The following LRMDA variants were observed in gnomAD, a reference collection of about 807,000 sequenced individuals.
The protein encoded by LRMDA is leucine-rich melanocyte differentiation-associated protein.
In LRMDA, 18 loss-of-function variants were observed where a neutral mutation model predicts 29.8. The observed-to-expected ratio is 0.60, with a 90% confidence interval of 0.42 to 0.90. The LOEUF (loss-of-function observed/expected upper bound fraction) is 0.90. Ranked by LOEUF, LRMDA falls within the 40% of genes least tolerant of loss-of-function variation. LRMDA has a pLI of 0.00. For synonymous variants in LRMDA, 125 were observed against 109.4 expected, an observed-to-expected ratio of 1.14 and a Z score of -0.89; for missense variants, 273 against 273.9, an observed-to-expected ratio of 1.00 and a Z score of 0.02.
At chr10:75,568,905 C>G (rs1840403752) in intron 2 of LRMDA, among the ~76,000 whole-genome samples, 1 of 151,820 alleles carries the variant, frequency 6.6e-6, no homozygotes, top group Admixed American at 6.5e-5. Context: ...TATTCACTGG[C>G]AGGTGTGACT....
chr10:75,491,427 G>A lies in LRMDA; in HGVS notation c.131+52933G>A, dbSNP rs143066956. The stretch of plus-strand genomic sequence containing the variant: ...CGGCACTGGCTAGTTGCTTGAGTGG[G>A]GGAACTTGTCACCCACTGTATGGTC... On this transcript the variant is annotated intron_variant, in intron 2 of 6. Transcript: ENST00000611255. Among the ~76,000 whole-genome samples the A allele has an allele frequency of 5.3e-5, 8 of 152,250 alleles. No homozygotes were observed. In the East Asian group the frequency reaches 1.5e-3, roughly 29 times the overall value.
rs566991338 is a variant in LRMDA at position 75,906,953 on chromosome 10, A to G, written c.132-129055A>G. On this transcript the variant is annotated intron_variant, in intron 2 of 6. Coordinates refer to ENST00000611255, the MANE Select transcript of LRMDA (RefSeq NM_001305581.2). Reference sequence around the variant, plus strand: ...TGGCCTTTTCAATCTCTCTTTTTCCAGGGGAGAGTTGAAAACCAAGAGGGG... The same window carrying G: ...TGGCCTTTTCAATCTCTCTTTTTCCGGGGGAGAGTTGAAAACCAAGAGGGG... Among the ~76,000 whole-genome samples, 11 of 152,312 alleles carry G rather than the reference A, an allele frequency of 7.2e-5. 1 individual carries two copies. The South Asian group carries it at 2.3e-3, about 32-fold the overall frequency.
chr10:75,763,061 C>T (rs754363511), intron 2 of LRMDA, among the ~76,000 whole-genome samples: 21 of 152,138 alleles, frequency 1.4e-4, no homozygotes, highest in African/African-American at 4.3e-4. Context: ...TCATGTCTAT[C>T]TTCAAATTTA....
At chr10:76,403,012 C>T (rs947438592) in intron 6 of LRMDA, among the ~76,000 whole-genome samples, 11 of 151,752 alleles carry the variant, frequency 7.2e-5, no homozygotes, top group African/African-American at 2.7e-4. Context: ...CACAAATGGG[C>T]ACCTTATGGC....
At chr10:76,214,481 A>G (rs1405340502) in intron 5 of LRMDA, among the ~76,000 whole-genome samples, 1 of 151,664 alleles carries the variant, frequency 6.6e-6, no homozygotes, top group African/African-American at 2.4e-5. Flanking sequence ...AGTAGCTGGG[A>G]CTACAGGCGC....
chr10:76,147,463 C>T (rs56396440), intron 5 of LRMDA, among the ~76,000 whole-genome samples: 7 of 151,932 alleles, frequency 4.6e-5, no homozygotes, highest in South Asian at 2.1e-4. Flanking sequence ...ACCCTTTCTT[C>T]CAGTTGATGG....
intron 2 of LRMDA, among the ~76,000 whole-genome samples, chr10:75,937,009 T>C (rs1389236451): frequency 1.3e-5 from 2 of 152,214 alleles, no homozygotes; most frequent in African/African-American, 4.8e-5. Context: ...TATTATAAAA[T>C]CATCCTTCTG....
At chr10:76,297,949 T>C (rs1260785155) in intron 5 of LRMDA, among the ~76,000 whole-genome samples, 22 of 152,242 alleles carry the variant, frequency 1.4e-4, no homozygotes, top group Admixed American at 1.4e-3. Context: ...CAAGGTCATT[T>C]ACCTTTTTAA....
chr10:75,722,951 A>T (rs1842586411), intron 2 of LRMDA, among the ~76,000 whole-genome samples: 1 of 152,210 alleles, frequency 6.6e-6, no homozygotes, highest in Non-Finnish European at 1.5e-5. Flanking sequence ...ACTATAGGCA[A>T]CCCAAGAGGA....
At chr10:75,682,249 G>A (rs1339017413) in intron 2 of LRMDA, among the ~76,000 whole-genome samples, 3 of 152,162 alleles carry the variant, frequency 2.0e-5, no homozygotes, top group Non-Finnish European at 2.9e-5. Flanking sequence ...TTTCTCTTGG[G>A]TTCTAAAGAA....
At chr10:76,261,847 A>G (rs2132309953) in intron 5 of LRMDA, among the ~76,000 whole-genome samples, 1 of 152,354 alleles carries the variant, frequency 6.6e-6, no homozygotes, top group South Asian at 2.1e-4. Context: ...CAATAGGTGG[A>G]TTATGACTAA....
intron 6 of LRMDA, among the ~76,000 whole-genome samples, chr10:76,350,828 A>T (rs1841167202): frequency 6.6e-6 from 1 of 152,170 alleles, no homozygotes; most frequent in African/African-American, 2.4e-5. Context: ...TGTCATGATT[A>T]CAAGGCTTGG....
chr10:76,069,254 G>A (rs1404544497), intron 5 of LRMDA, among the ~76,000 whole-genome samples: 1 of 152,164 alleles, frequency 6.6e-6, no homozygotes, highest in African/African-American at 2.4e-5. Context: ...AGCATGATGG[G>A]GAAGGCTTGT....
chr10:75,476,588 C>T (rs1306758142), intron 2 of LRMDA, among the ~76,000 whole-genome samples: 2 of 152,128 alleles, frequency 1.3e-5, no homozygotes, highest in Non-Finnish European at 2.9e-5. Flanking sequence ...AAGTTGCTTC[C>T]CTGCTCAAAA....
At chr10:76,164,276 G>A (rs1020713597) in intron 5 of LRMDA, among the ~76,000 whole-genome samples, 1 of 152,144 alleles carries the variant, frequency 6.6e-6, no homozygotes, top group Non-Finnish European at 1.5e-5. Flanking sequence ...ATGATTTAAT[G>A]ATTAAAACTG....
chr10:75,570,260 T>C (rs988600734), intron 2 of LRMDA, among the ~76,000 whole-genome samples: 2 of 152,218 alleles, frequency 1.3e-5, no homozygotes, highest in Admixed American at 6.5e-5. Context: ...AGTAATAGTT[T>C]TGAAAGTATC....
At chr10:76,317,254 A>G (rs1465939546) in intron 5 of LRMDA, among the ~76,000 whole-genome samples, 1 of 152,218 alleles carries the variant, frequency 6.6e-6, no homozygotes, top group African/African-American at 2.4e-5. Context: ...TGAGAGGAAT[A>G]TAGGACATAT....
At chr10:75,995,331 C>T (rs1847443792) in intron 2 of LRMDA, among the ~76,000 whole-genome samples, 1 of 152,078 alleles carries the variant, frequency 6.6e-6, no homozygotes, top group Admixed American at 6.5e-5. Flanking sequence ...TTGAGAGAAC[C>T]CCACTTGCTT....
At chr10:76,063,694 T>C (rs1848739445) in intron 5 of LRMDA, among the ~76,000 whole-genome samples, 1 of 152,146 alleles carries the variant, frequency 6.6e-6, no homozygotes. Flanking sequence ...TCTTTTCCCC[T>C]AAACTGAAAA....
Sources: allele counts gnomAD v4.1 joint callset (sites outside exome capture counted in the v4.1 genomes callset), GRCh38; gene constraint gnomAD v4.1.1; transcripts MANE v1.5; gene names NCBI Gene and HGNC (gene_info 2026-07-23, HGNC 2026-07-21).